DMTN: variants seen among roughly 807,000 people sequenced by gnomAD.
DMTN encodes the protein dematin actin binding protein, also known as dematin.
A neutral mutation model predicts 59.4 loss-of-function variants in DMTN; 27 were observed. The ratio of observed to expected loss-of-function variants is 0.45; its 90% CI spans 0.33 to 0.63. DMTN has a LOEUF of 0.63. DMTN is among the 20% of genes least tolerant of loss of function. The probability of loss-of-function intolerance (pLI) is 0.02; values close to 1 mark genes in which losing one functional copy is unlikely to be tolerated. For missense variants in DMTN, 451 were observed against 528.9 expected (o/e 0.85, Z 1.45); for synonymous variants, 221 against 203.7 (o/e 1.08, Z -0.72).
In DMTN at chr8:22,061,623, C is replaced by T. The variant is rs538605750; in HGVS notation, c.-172+4487C>T. Among the ~76,000 whole-genome samples the T allele has an allele frequency of 3.9e-5, 6 of 152,276 alleles. No homozygotes were observed. The South Asian group carries it at 1.2e-3, about 32-fold the overall frequency. Reference sequence around the variant, plus strand: ...AAGATTCCAGGGCCTCCCCGAGGCTCCAGAACACACTGAAGTTATCCAGTC... The same window carrying T: ...AAGATTCCAGGGCCTCCCCGAGGCTTCAGAACACACTGAAGTTATCCAGTC... On this transcript the variant is annotated intron_variant, in intron 1 of 15. Transcript: ENST00000358242.
chr8:22,079,715 C>T (rs1822868406), intron 10 of DMTN, among the ~76,000 whole-genome samples: 2 of 151,854 alleles, frequency 1.3e-5, no homozygotes, highest in South Asian at 2.1e-4. Context: ...CCACCTTGGC[C>T]TCCCAAAGTG....
At chr8:22,062,271 AT>A (rs1025411122) in intron 1 of DMTN, among the ~76,000 whole-genome samples, 7 of 138,486 alleles carry the variant, frequency 5.1e-5, no homozygotes, top group Non-Finnish European at 1.1e-4. Context: ...AAAAAAAAAA[AT>A]TCCTTTGTAG....
In DMTN at chr8:22,066,739, C is replaced by G; in HGVS notation, c.-137C>G. ...TCACCGCCGAGGGATGAGGACGCGC[C>G]AGCCCGGGGGAACGCGCCAGCTGCT... is the stretch of plus-strand genomic sequence containing the variant. On this transcript the variant is annotated 5_prime_UTR_variant, in exon 2 of 16. Coordinates refer to ENST00000358242, the MANE Select transcript of DMTN (RefSeq NM_001387751.1). 1.0e-6 allele frequency: 1 copy of G among 994,972 alleles called. No individual in the cohort carries two copies. The highest frequency in any genetic ancestry group is 2.3e-5 in the South Asian group (1 of 43,554). 61.6% of individuals were successfully genotyped at this position (994,972 alleles called of 1,614,324 possible).
upstream of DMTN, among the ~76,000 whole-genome samples, chr8:22,051,084 G>A (rs117981645): frequency 4.5e-3 from 681 of 152,234 alleles, 22 homozygotes; most frequent in East Asian, 0.072. Context: ...GCCTCTGAGC[G>A]CCTGGGTCTA....
chr8:22,072,967 G>T (rs1186658321), intron 9 of DMTN, among the ~76,000 whole-genome samples: 3 of 152,176 alleles, frequency 2.0e-5, no homozygotes, highest in African/African-American at 7.2e-5. Context: ...AGGGTCAAAA[G>T]CACAGAAAAG....
At chr8:22,059,932 G>A (rs1046338628) in intron 1 of DMTN, among the ~76,000 whole-genome samples, 29 of 152,178 alleles carry the variant, frequency 1.9e-4, no homozygotes, top group Non-Finnish European at 3.2e-4. Flanking sequence ...CCCAGTGGGC[G>A]GGTCTTATCA....
chr8:22,052,520 T>A (rs1426762057), upstream of DMTN, among the ~76,000 whole-genome samples: 1 of 152,082 alleles, frequency 6.6e-6, no homozygotes, highest in Non-Finnish European at 1.5e-5. Context: ...AACATTCAAG[T>A]CCTGTGCTAA....
intron 10 of DMTN, among the ~76,000 whole-genome samples, chr8:22,078,796 C>CTTTTTT (rs1563533987): frequency 5.8e-5 from 1 of 17,326 alleles, no homozygotes; most frequent in Non-Finnish European, 1.2e-4. Context: ...TAATGTCAGA[C>CTTTTTT]TGTTTTTTTT....
rs1366777599 is a variant in DMTN, at chr8:22,069,080, G to T, written c.294+20G>T. On this transcript the variant is annotated intron_variant, in intron 5 of 15. Transcript: ENST00000358242. ...CCAGAGGTGAGTCTGCCCCACACCTGCAACTTGCCCTGCCCTGCCCTGAAG... is the reference window on the plus strand; with the variant it reads ...CCAGAGGTGAGTCTGCCCCACACCTTCAACTTGCCCTGCCCTGCCCTGAAG... The T allele has an allele frequency of 1.9e-5, 31 of 1,607,868 alleles. No homozygotes were observed. The highest frequency in any genetic ancestry group is 2.5e-5 in the Non-Finnish European group (30 of 1,176,916).
At chr8:22,081,092 T>TGGGGGGCG in intron 14 of DMTN, 21 bp from the exon 15 acceptor site, 2 of 1,547,316 alleles carry the variant, frequency 1.3e-6, no homozygotes, top group African/African-American at 1.4e-5. Context: ...AGCCTAAGAT[T>TGGGGGGCG]GCCCCTCCCC....
chr8:22,051,469 C>G (rs1271769792), upstream of DMTN, among the ~76,000 whole-genome samples: 3 of 152,182 alleles, frequency 2.0e-5, no homozygotes, highest in Non-Finnish European at 4.4e-5. Flanking sequence ...AGCCGAAAGC[C>G]TTGCCTCAGT....
chr8:22,072,703 G>A (rs1816675785), intron 9 of DMTN, among the ~76,000 whole-genome samples: 1 of 145,390 alleles, frequency 6.9e-6, no homozygotes, highest in African/African-American at 2.6e-5. Context: ...TCGAACTCCT[G>A]ACCTCAAGCG....
chr8:22,079,922 T>G (rs1207435538), intron 10 of DMTN, among the ~76,000 whole-genome samples: 1 of 152,228 alleles, frequency 6.6e-6, no homozygotes, highest in Admixed American at 6.5e-5. Context: ...CATCAGGCAT[T>G]GGGCCCAGTT....
chr8:22,071,214 A>G (rs562335667), intron 8 of DMTN, among the ~76,000 whole-genome samples: 3 of 152,256 alleles, frequency 2.0e-5, no homozygotes, highest in African/African-American at 7.2e-5. Context: ...CTCCTGCCTC[A>G]GCCTCCTGAG....
At chr8:22,051,534 A>C (rs1171310881), upstream of DMTN, among the ~76,000 whole-genome samples, 1 of 151,974 alleles carries the variant, frequency 6.6e-6, no homozygotes, top group Non-Finnish European at 1.5e-5. Flanking sequence ...TTTCTCCTTA[A>C]GCCACACCCC....
intron 10 of DMTN, among the ~76,000 whole-genome samples, chr8:22,077,387 T>C (rs1218132478): frequency 6.6e-6 from 1 of 152,058 alleles, no homozygotes; most frequent in Non-Finnish European, 1.5e-5. Context: ...GGTTATCTCA[T>C]GTGGAGCAGA....
upstream of DMTN, among the ~76,000 whole-genome samples, chr8:22,051,253 A>G (rs889558649): frequency 1.3e-5 from 2 of 152,108 alleles, no homozygotes; most frequent in Non-Finnish European, 2.9e-5. Context: ...TGGGATTACC[A>G]AGAACTCTCA....
Position 22,060,307 on chromosome 8 carries a change from G to T in DMTN, c.-172+3171G>T, listed in dbSNP as rs763981226. ...GGTGGAGTGAGCTGGCACTTGACCT[G>T]CGAGAAATGAGCTTTGATGGAAAGG... On this transcript the variant is annotated intron_variant, in intron 1 of 15. Coordinates refer to ENST00000358242, the MANE Select transcript of DMTN (RefSeq NM_001387751.1). This position sits in a 1 kb window ranked among gnomAD's most constrained non-coding sequence, Gnocchi z 5.0. Among the ~76,000 whole-genome samples the T allele has an allele frequency of 2.0e-5, 3 of 152,136 alleles. No individual in the cohort carries two copies. The highest frequency in any genetic ancestry group is 6.5e-5 in the Admixed American group (1 of 15,268).
In DMTN at chr8:22,069,489, G is replaced by C; in HGVS notation, c.365G>C (p.Arg122Pro). The change falls in exon 6 of 16, where the codon CGG becomes CCG. Residue 122 changes from arginine (R) to proline (P), a missense_variant. By Grantham distance (103) the Arg-to-Pro change is moderately radical. Coordinates refer to ENST00000358242, the MANE Select transcript of DMTN (RefSeq NM_001387751.1). Reference protein sequence around the residue: ...ASAPRTTGTPRTSLPHFHHPE... With the variant: ...ASAPRTTGTPPTSLPHFHHPE... ...GCCCCCAGAACCACTGGAACCCCCC[G>C]GACCAGCCTGCCCCATTTCCACCAC... The C allele has an allele frequency of 1.1e-5, 17 of 1,610,730 alleles. No homozygotes were observed. The highest frequency in any genetic ancestry group is 1.4e-5 in the Non-Finnish European group (17 of 1,178,510).
Sources: allele counts gnomAD v4.1 joint callset (sites outside exome capture counted in the v4.1 genomes callset), GRCh38; gene constraint gnomAD v4.1.1; non-coding constraint Gnocchi (gnomAD v3.1); transcripts MANE v1.5; gene names NCBI Gene and HGNC (gene_info 2026-07-23, HGNC 2026-07-21).